The following ALK variants were observed in gnomAD, a reference collection of about 807,000 sequenced individuals.
ALK encodes ALK tyrosine kinase receptor.
A neutral mutation model predicts 163.1 loss-of-function variants in ALK; 74 were observed. That is an observed-to-expected ratio of 0.45 (90% CI 0.38 to 0.55). The LOEUF (loss-of-function observed/expected upper bound fraction) is 0.55, where lower values mean the gene tolerates loss of function less well. ALK is among the 20% of genes least tolerant of loss of function. The pLI is 0.00. For missense variants in ALK, 2,063 were observed against 2,105.3 expected (o/e 0.98, Z 0.39); for synonymous variants, 960 against 843.2 (o/e 1.14, Z -2.40).
chr2:29,371,609 T>C (rs975267653), intron 5 of ALK, among the ~76,000 whole-genome samples: 4 of 152,238 alleles, frequency 2.6e-5, no homozygotes, highest in African/African-American at 7.2e-5. Flanking sequence ...TTTATGATAC[T>C]TTAGGCCAAT....
chr2:29,884,309 C>A (rs1572467871), intron 1 of ALK, among the ~76,000 whole-genome samples: 1 of 152,082 alleles, frequency 6.6e-6, no homozygotes, highest in South Asian at 2.1e-4. Flanking sequence ...GGGACCCATA[C>A]AAAGTGACAG....
intron 3 of ALK, among the ~76,000 whole-genome samples, chr2:29,655,563 C>G (rs1271162574): frequency 6.6e-6 from 1 of 152,104 alleles, no homozygotes; most frequent in African/African-American, 2.4e-5. Context: ...TCCAGGGAGG[C>G]CTGGAAAAGC....
chr2:29,569,412 G>A (rs558975146), intron 3 of ALK, among the ~76,000 whole-genome samples: 20 of 152,240 alleles, frequency 1.3e-4, no homozygotes, highest in Admixed American at 7.2e-4. Context: ...CATTACTTGG[G>A]TAAATCACTT....
chr2:29,372,883 G>A (rs939239630), intron 5 of ALK, among the ~76,000 whole-genome samples: 4 of 152,204 alleles, frequency 2.6e-5, no homozygotes, highest in African/African-American at 4.8e-5. Flanking sequence ...TCAGGAAGAC[G>A]GAGATGGTGT....
At chr2:29,620,550 G>T (rs1676004576) in intron 3 of ALK, among the ~76,000 whole-genome samples, 1 of 152,038 alleles carries the variant, frequency 6.6e-6, no homozygotes, top group Non-Finnish European at 1.5e-5. Flanking sequence ...AGCTGAAGAT[G>T]CGAACACGGA....
At chr2:29,591,112 T>G (rs1675045902) in intron 3 of ALK, among the ~76,000 whole-genome samples, 5 of 139,554 alleles carry the variant, frequency 3.6e-5, no homozygotes, top group Admixed American at 7.1e-5. Flanking sequence ...CCCACTGCAG[T>G]GGCCCCTTTC....
chr2:29,622,210 C>T (rs930364921), intron 3 of ALK, among the ~76,000 whole-genome samples: 3 of 152,124 alleles, frequency 2.0e-5, no homozygotes, highest in African/African-American at 7.2e-5. Flanking sequence ...TTAAAACTTA[C>T]CAATCAACCA....
At chr2:29,288,479 C>T (rs992067753) in intron 9 of ALK, among the ~76,000 whole-genome samples, 1 of 152,200 alleles carries the variant, frequency 6.6e-6, no homozygotes, top group Non-Finnish European at 1.5e-5. Context: ...ACAGGCTGAC[C>T]TCTTCACGGC....
At chr2:29,208,140 A>G (rs1573100056) in intron 25 of ALK, 2 of 433,262 alleles carry the variant, frequency 4.6e-6, no homozygotes, top group South Asian at 3.2e-5. Flanking sequence ...CAATATAGAA[A>G]ACACAGTAAT....
chr2:29,746,725 T>C (rs1680215517), intron 1 of ALK, among the ~76,000 whole-genome samples: 1 of 152,212 alleles, frequency 6.6e-6, no homozygotes, highest in South Asian at 2.1e-4. Flanking sequence ...GGAAAGTGCC[T>C]GTAATTTTTC....
intron 4 of ALK, among the ~76,000 whole-genome samples, chr2:29,413,482 G>A (rs1669782419): frequency 6.6e-6 from 1 of 151,964 alleles, no homozygotes; most frequent in Non-Finnish European, 1.5e-5. Flanking sequence ...AAGTAACTGG[G>A]ACTACAGGTG....
chr2:29,768,743 G>GTGTGTGTATATATA (rs373708982), intron 1 of ALK, among the ~76,000 whole-genome samples: 7 of 150,568 alleles, frequency 4.6e-5, no homozygotes, highest in African/African-American at 1.5e-4. Flanking sequence ...GTGTGTGTGT[G>GTGTGTGTATATATA]TATATATGTA....
At chr2:29,242,693 G>C (rs150168206) in intron 12 of ALK, among the ~76,000 whole-genome samples, 1 of 152,168 alleles carries the variant, frequency 6.6e-6, no homozygotes, top group Non-Finnish European at 1.5e-5. Flanking sequence ...GAGCCTCAAC[G>C]TCCACTACTG....
At chr2:29,387,609 G>T (rs76433803) in intron 4 of ALK, among the ~76,000 whole-genome samples, 4 of 152,300 alleles carry the variant, frequency 2.6e-5, no homozygotes, top group Non-Finnish European at 5.9e-5. Flanking sequence ...TGAATTAAAA[G>T]TTCCCTAAGG....
chr2:29,389,163 G>A (rs73923603), intron 4 of ALK, among the ~76,000 whole-genome samples: 6,651 of 152,300 alleles, frequency 0.044, 165 homozygotes, highest in African/African-American at 0.056. Context: ...TGTTTAGGAT[G>A]TAGCCTTGTT....
At chr2:29,199,265 C>T (rs1220609421) in intron 26 of ALK, among the ~76,000 whole-genome samples, 1 of 152,126 alleles carries the variant, frequency 6.6e-6, no homozygotes, top group Non-Finnish European at 1.5e-5. Context: ...TAGTTGCTTT[C>T]TAATGCTACT....
chr2:29,816,041 G>C (rs1664889203), intron 1 of ALK, among the ~76,000 whole-genome samples: 1 of 152,252 alleles, frequency 6.6e-6, no homozygotes, highest in African/African-American at 2.4e-5. Flanking sequence ...TCTCCTTGGG[G>C]TTGGAGGCGC....
chr2:29,704,227 C>T (rs1678832254), intron 2 of ALK, among the ~76,000 whole-genome samples: 1 of 152,204 alleles, frequency 6.6e-6, no homozygotes, highest in South Asian at 2.1e-4. Flanking sequence ...TCTTAAAACA[C>T]TGTCAGTCCT....
In ALK at chr2:29,908,573, T is replaced by C. The variant is rs1436033228; in HGVS notation, c.667+11420A>G. Reference sequence around the variant, plus strand: ...AAACCATCATTCTCAGCAGATATCCTTTGACCTGACTCCCTGCCAAAAGGC... The same window carrying C: ...AAACCATCATTCTCAGCAGATATCCCTTGACCTGACTCCCTGCCAAAAGGC... On this transcript the variant is annotated intron_variant, in intron 1 of 28. Coordinates refer to ENST00000389048, the MANE Select transcript of ALK (RefSeq NM_004304.5). Among the ~76,000 whole-genome samples, 4 of 152,248 alleles carry C rather than the reference T, an allele frequency of 2.6e-5. No homozygotes were observed. In the East Asian group the frequency reaches 5.8e-4, roughly 22 times the overall value.
Sources: gnomAD v4.1 joint callset for allele counts (sites outside exome capture counted in the v4.1 genomes callset) on GRCh38, gnomAD v4.1.1 for gene constraint, MANE v1.5 for transcripts, NCBI Gene and HGNC (gene_info 2026-07-23, HGNC 2026-07-21) for gene names.